ATM: variants seen among roughly 807,000 people sequenced by gnomAD.
The protein encoded by ATM is serine-protein kinase ATM.
Under a neutral mutation model 387.0 loss-of-function variants are expected in ATM, and 308 were observed. The observed-to-expected ratio is 0.80, with a 90% CI of 0.73 to 0.87. The LOEUF (loss-of-function observed/expected upper bound fraction) is 0.87. Ranked by LOEUF, ATM falls within the 40% of genes least tolerant of loss-of-function variation. The pLI, the probability that ATM is intolerant of heterozygous loss-of-function variation, is 0.00. For missense variants in ATM, 3,312 were observed against 3,560.9 expected (o/e 0.93, Z 1.78); for synonymous variants, 1,156 against 1,187.3 (o/e 0.97, Z 0.54).
chr11:108,272,524 G>T lies in ATM; in HGVS notation c.3078-8G>T, dbSNP rs2135564786. 1 of 1,605,446 alleles carries T rather than the reference G, an allele frequency of 6.2e-7. No individual in the cohort carries two copies. The highest frequency in any genetic ancestry group is 1.1e-5 in the South Asian group (1 of 90,856). On this transcript the variant is annotated splice_polypyrimidine_tract_variant and splice_region_variant and intron_variant, in intron 20 of 62. Coordinates refer to ENST00000675843, the MANE Select transcript of ATM (RefSeq NM_000051.4). The stretch of plus-strand genomic sequence containing the variant: ...TTATTTAACTTTGGAAAACTTACTT[G>T]ATTTCAGGCATCTAACAAAGGAGAG...
In ATM at chr11:108,293,893, AAATATATAT is replaced by A. The variant is rs1290837268; in HGVS notation, c.4776+418_4776+426del. Among the ~76,000 whole-genome samples, 681 of 102,026 alleles carry A rather than the reference AAATATATAT, an allele frequency of 6.7e-3. 2 individuals carry two copies. The highest frequency in any genetic ancestry group is 9.7e-3 in the Non-Finnish European group (460 of 47,196). 66.9% of individuals were successfully genotyped at this position (102,026 alleles called of 152,430 possible). A position where few individuals can be genotyped will look rare whatever the true frequency, so the allele number is the denominator to read the frequency against. ...ACCCTGTCTCAAAAAAAAAAAAAAA[AAATATATAT>A]ATATATATATATATATATGTGTGTG... On this transcript the variant is annotated intron_variant, in intron 31 of 62. Coordinates refer to ENST00000675843, the MANE Select transcript of ATM (RefSeq NM_000051.4).
chr11:108,356,304 G>T (rs2089915714), intron 61 of ATM, among the ~76,000 whole-genome samples: 1 of 152,198 alleles, frequency 6.6e-6, no homozygotes, highest in Non-Finnish European at 1.5e-5. Context: ...GAGAGGCCGA[G>T]ACAGGTGGAT....
intron 8 of ATM, 122 bp from the exon 9 acceptor site, chr11:108,248,811 C>T: frequency 1.3e-6 from 1 of 797,334 alleles, no homozygotes; most frequent in Non-Finnish European, 1.9e-6. Context: ...TCACTTGAAC[C>T]TGGGAGGTAG....
At position 108,227,701 on chromosome 11, in the gene ATM, T is replaced by C. The variant is rs768359847; in HGVS notation, c.72+5T>C. The C allele has an allele frequency of 1.2e-6, 2 of 1,612,082 alleles. No homozygotes were observed. The highest frequency in any genetic ancestry group is 2.7e-5 in the African/African-American group (2 of 74,760). On this transcript the variant is annotated splice_donor_5th_base_variant and intron_variant, in intron 2 of 62. Transcript: ENST00000675843. ...GATAGAGCTACAGAACGAAAGGTAG[T>C]AAATTACTTAAATTCAATTTTTCCT...
chr11:108,368,288 C>CAA lies in ATM; in HGVS notation c.*2796_*2797dup, dbSNP rs765253087. 9.8e-4 allele frequency: 96 copies of CAA among 97,752 alleles called. No homozygotes were observed. The highest frequency in any genetic ancestry group is 3.4e-3 in the Middle Eastern group (1 of 296). The allele number at this position is 97,752 out of a possible 1,614,324, so 6.1% of individuals were successfully genotyped here. ...TTGGCGACAGAGCAAGACTCTGCCT[C>CAA]AAAAAAAAAAAAAAAAAGGTTTTGG... On this transcript the variant is annotated 3_prime_UTR_variant, in exon 63 of 63. Transcript: ENST00000675843.
intron 16 of ATM, among the ~76,000 whole-genome samples, chr11:108,259,389 T>A (rs555623670): frequency 6.6e-6 from 1 of 152,282 alleles, no homozygotes; most frequent in South Asian, 2.1e-4. Context: ...CTCGGGAGGC[T>A]GAGGCAGAAT....
At chr11:108,251,140 C>T (rs2135330957) in intron 10 of ATM, 68 bp downstream of exon 10, 1 of 1,588,722 alleles carries the variant, frequency 6.3e-7, no homozygotes, top group Non-Finnish European at 8.6e-7. Context: ...ACTCACATAT[C>T]CCTGATCATT....
intron 29 of ATM, 23 bp from the exon 30 acceptor site, chr11:108,292,596 G>GTTTTTT: frequency 6.4e-7 from 1 of 1,568,028 alleles, no homozygotes; most frequent in Non-Finnish European, 8.7e-7. Context: ...GGTTGTTGTT[G>GTTTTTT]TTTTTTTTTC....
At chr11:108,261,116 C>T (rs1294762379) in intron 16 of ATM, among the ~76,000 whole-genome samples, 1 of 152,224 alleles carries the variant, frequency 6.6e-6, no homozygotes, top group Non-Finnish European at 1.5e-5. Context: ...CCGGGAAGCT[C>T]GAACTAGGTG....
intron 4 of ATM, among the ~76,000 whole-genome samples, chr11:108,233,237 C>G (rs1052980539): frequency 3.3e-5 from 5 of 152,130 alleles, no homozygotes; most frequent in African/African-American, 1.2e-4. Context: ...CAAAACTCAG[C>G]TGCGAAAAAT....
At chr11:108,225,264 G>A (rs573088414) in intron 1 of ATM, 2 of 152,176 alleles carry the variant, frequency 1.3e-5, no homozygotes, top group African/African-American at 4.8e-5. Context: ...CATAAGGAAT[G>A]GAAAAACAAA....
At chr11:108,334,014 T>A (rs755374390) in intron 54 of ATM, 46 bp downstream of exon 54, 1 of 1,444,252 alleles carries the variant, frequency 6.9e-7, no homozygotes, top group Admixed American at 1.7e-5. Context: ...AAATTTTTTT[T>A]ATTAGATTGA....
chr11:108,285,678 C>T (rs188754251), intron 26 of ATM, among the ~76,000 whole-genome samples: 1 of 151,500 alleles, frequency 6.6e-6, no homozygotes, highest in Admixed American at 6.6e-5. Context: ...TCCTTAGTTG[C>T]TTAGGTGGAC....
rs1206745957 is a variant in ATM, at chr11:108,241,742, C to CTTTTTTTTTT, written c.497-2195_497-2186dup. On this transcript the variant is annotated intron_variant, in intron 5 of 62. Coordinates refer to ENST00000675843, the MANE Select transcript of ATM (RefSeq NM_000051.4). ...TCTTTCTTTCTGTCTTTCTTTCTTTCTTTTTTTTTTTTTTTTTTTTTTTTT... is the reference window on the plus strand; with the variant it reads ...TCTTTCTTTCTGTCTTTCTTTCTTTCTTTTTTTTTTTTTTTTTTTTTTTTTTTTTTTTTTT... Among the ~76,000 whole-genome samples, 27 of 45,350 alleles carry CTTTTTTTTTT rather than the reference C, an allele frequency of 6.0e-4. 1 individual carries two copies. Among genetic ancestry groups the CTTTTTTTTTT allele is most frequent in the African/African-American group, 1.4e-3 (20 of 13,864 alleles). The allele number at this position is 45,350 out of a possible 152,430, so 29.8% of individuals were successfully genotyped here.
intron 44 of ATM, among the ~76,000 whole-genome samples, 191 bp from the exon 45 acceptor site, chr11:108,321,110 T>C (rs888342872): frequency 6.6e-6 from 1 of 152,214 alleles, no homozygotes; most frequent in East Asian, 1.9e-4. Flanking sequence ...GGACCATGCA[T>C]TTAAATTTGT....
At position 108,366,868 on chromosome 11, in the gene ATM, C is replaced by T. The variant is rs1294561593; in HGVS notation, c.*1360C>T. 1 of 229,492 alleles carries T rather than the reference C, an allele frequency of 4.4e-6. No individual in the cohort carries two copies. The highest frequency in any genetic ancestry group is 2.2e-5 in the African/African-American group (1 of 45,104). 14.2% of individuals were successfully genotyped at this position (229,492 alleles called of 1,614,324 possible). A position where few individuals can be genotyped will look rare whatever the true frequency, so the allele number is the denominator to read the frequency against. On this transcript the variant is annotated 3_prime_UTR_variant, in exon 63 of 63. Transcript: ENST00000675843. Reference sequence around the variant, plus strand: ...ATTCCCACTGCCTGCCTTTGGCAAGCCCTGGGTTCTTTGCTCCCCATATAG... The same window carrying T: ...ATTCCCACTGCCTGCCTTTGGCAAGTCCTGGGTTCTTTGCTCCCCATATAG...
chr11:108,282,828 C>G lies in ATM; in HGVS notation c.3695C>G (p.Ser1232Cys), dbSNP rs367603277. The G allele has an allele frequency of 3.2e-6, 5 of 1,541,894 alleles. No homozygotes were observed. The highest frequency in any genetic ancestry group is 1.7e-5 in the Admixed American group (1 of 58,872). Residue 1232 changes from serine (S) to cysteine (C), a missense_variant, in exon 25 of 63, where the codon TCT becomes TGT. Around this residue, in one of 4 missense-constraint regions of ATM, gnomAD observed 1,791 missense variants for 1,804.5 expected, o/e 0.99. Transcript: ENST00000675843. The stretch of plus-strand genomic sequence containing the variant: ...CTTCAAGATACTGAATACAACTTAT[C>G]TTCTTTTCCTTTTATTTTATTAAAC... ...LNLQDTEYNL[S>C]SFPFILLNYT...
chr11:108,304,944 G>C (rs2083611512), intron 37 of ATM, 92 bp downstream of exon 37: 1 of 1,429,846 alleles, frequency 7.0e-7, no homozygotes, highest in African/African-American at 1.4e-5. Flanking sequence ...CACTTTACAG[G>C]ATTAAATCTA....
intron 43 of ATM, among the ~76,000 whole-genome samples, chr11:108,317,895 G>A (rs1051518240): frequency 5.3e-5 from 8 of 151,520 alleles, no homozygotes; most frequent in African/African-American, 1.9e-4. Context: ...AAGGGTTTTC[G>A]AAATGAGTAT....
Sources: allele counts gnomAD v4.1 joint callset (sites outside exome capture counted in the v4.1 genomes callset), GRCh38; gene constraint gnomAD v4.1.1; regional missense constraint gnomAD v4.1.1; transcripts MANE v1.5; gene names NCBI Gene and HGNC (gene_info 2026-07-23, HGNC 2026-07-21).